The following ABCC4 variants were observed in gnomAD, a reference collection of about 807,000 sequenced individuals.
The protein encoded by ABCC4 is ATP-binding cassette sub-family C member 4.
ABCC4 carries 102 observed loss-of-function variants against 168.5 expected under a neutral mutation model. The observed-to-expected ratio is 0.61, with a 90% CI of 0.52 to 0.71. The LOEUF is 0.71. Among genes scored for constraint, ABCC4 ranks in the 30% least tolerant of loss-of-function variants. The probability of loss-of-function intolerance (pLI) is 0.00; values close to 1 mark genes in which losing one functional copy is unlikely to be tolerated. For synonymous variants in ABCC4, 617 were observed against 590.7 expected (o/e 1.04, Z -0.65); for missense variants, 1,402 against 1,605.8 (o/e 0.87, Z 2.17).
intron 8 of ABCC4, among the ~76,000 whole-genome samples, chr13:95,206,281 C>G (rs946018097): frequency 3.3e-5 from 5 of 152,178 alleles, no homozygotes; most frequent in Non-Finnish European, 7.3e-5. Context: ...CCTGCAGTTA[C>G]CACCTGTACA....
At chr13:95,162,489 CA>C (rs2037129934) in intron 18 of ABCC4, among the ~76,000 whole-genome samples, 1 of 152,126 alleles carries the variant, frequency 6.6e-6, no homozygotes, top group African/African-American at 2.4e-5. Context: ...TCTGGCAAGC[CA>C]AATGTTAAAT....
chr13:95,209,674 A>G (rs2038897591), intron 5 of ABCC4, 77 bp from the exon 6 acceptor site: 1 of 1,364,842 alleles, frequency 7.3e-7, no homozygotes, highest in African/African-American at 1.5e-5. Context: ...GAAACGATCC[A>G]CTGGAAAAGA....
intron 13 of ABCC4, among the ~76,000 whole-genome samples, chr13:95,174,663 TC>T (rs1394243821): frequency 6.6e-6 from 1 of 152,164 alleles, no homozygotes; most frequent in Non-Finnish European, 1.5e-5. Context: ...GAAAATACCT[TC>T]CTCCTTCCCC....
At chr13:95,073,070 GAGGA>G in intron 24 of ABCC4, 130 bp downstream of exon 24, 1 of 622,308 alleles carries the variant, frequency 1.6e-6, no homozygotes, top group Non-Finnish European at 2.7e-6. Flanking sequence ...TAAACAGATG[GAGGA>G]AGGATCTTAA....
intron 19 of ABCC4, among the ~76,000 whole-genome samples, chr13:95,126,020 T>C (rs995288973): frequency 6.6e-6 from 1 of 152,160 alleles, no homozygotes; most frequent in Non-Finnish European, 1.5e-5. Flanking sequence ...AATGCACATG[T>C]GTACAGTTTG....
intron 4 of ABCC4, among the ~76,000 whole-genome samples, chr13:95,226,315 C>T (rs928339318): frequency 2.0e-5 from 3 of 152,062 alleles, no homozygotes; most frequent in Non-Finnish European, 4.4e-5. Flanking sequence ...GGTTGGGTAA[C>T]TTTCACTATT....
intron 30 of ABCC4, among the ~76,000 whole-genome samples, chr13:95,030,777 T>C (rs150307030): frequency 2.7e-4 from 41 of 152,336 alleles, no homozygotes; most frequent in African/African-American, 9.6e-4. Context: ...TAATCTGCTG[T>C]GGGTTAAGCC....
chr13:95,139,768 T>C (rs1330416554), intron 19 of ABCC4, among the ~76,000 whole-genome samples: 1 of 152,166 alleles, frequency 6.6e-6, no homozygotes, highest in Non-Finnish European at 1.5e-5. Context: ...TTCATACCTG[T>C]ATATCTCCCC....
chr13:95,037,122 C>G (rs1007728091), intron 29 of ABCC4, among the ~76,000 whole-genome samples: 3 of 147,806 alleles, frequency 2.0e-5, no homozygotes, highest in Non-Finnish European at 3.0e-5. Context: ...CCCAAATAAC[C>G]CCCCAAATAT....
At chr13:95,057,306 C>T (rs756718402) in intron 26 of ABCC4, among the ~76,000 whole-genome samples, 1 of 151,970 alleles carries the variant, frequency 6.6e-6, no homozygotes, top group Non-Finnish European at 1.5e-5. Flanking sequence ...GTGGCACAAT[C>T]TCAGCTCATG....
intron 4 of ABCC4, among the ~76,000 whole-genome samples, chr13:95,216,256 G>A (rs1252888909): frequency 6.6e-6 from 1 of 152,024 alleles, no homozygotes; most frequent in Non-Finnish European, 1.5e-5. Flanking sequence ...CTAAAGTTTG[G>A]TTCCAATAAA....
chr13:95,103,581 T>A (rs1461524090), intron 20 of ABCC4, among the ~76,000 whole-genome samples: 1 of 152,206 alleles, frequency 6.6e-6, no homozygotes. Context: ...CCTGAGGGGA[T>A]CGACTATCCT....
At chr13:95,259,621 G>C (rs981693749) in intron 1 of ABCC4, among the ~76,000 whole-genome samples, 5 of 152,172 alleles carry the variant, frequency 3.3e-5, no homozygotes, top group Non-Finnish European at 5.9e-5. Context: ...ACATGGATCA[G>C]AACCACCGCA....
At chr13:95,253,905 T>A (rs182673118) in intron 1 of ABCC4, among the ~76,000 whole-genome samples, 2 of 151,872 alleles carry the variant, frequency 1.3e-5, no homozygotes, top group East Asian at 3.9e-4. Flanking sequence ...TTTTTCTCTT[T>A]TTTTTGAGAC....
intron 4 of ABCC4, among the ~76,000 whole-genome samples, chr13:95,215,675 G>C (rs920786690): frequency 6.6e-6 from 1 of 152,132 alleles, no homozygotes; most frequent in East Asian, 1.9e-4. Context: ...TTAAATTACA[G>C]ATCAACAATA....
At chr13:95,185,914 CA>C (rs2038043169) in intron 11 of ABCC4, among the ~76,000 whole-genome samples, 1 of 151,910 alleles carries the variant, frequency 6.6e-6, no homozygotes, top group African/African-American at 2.4e-5. Flanking sequence ...TAATAAATTG[CA>C]CTGTAAATTT....
At chr13:95,137,234 A>G (rs533900024) in intron 19 of ABCC4, among the ~76,000 whole-genome samples, 1 of 152,290 alleles carries the variant, frequency 6.6e-6, no homozygotes, top group African/African-American at 2.4e-5. Flanking sequence ...GGTCTTTAAA[A>G]CACTCAAGTA....
At position 95,062,691 on chromosome 13, in the gene ABCC4, A is replaced by C. The variant is rs1262908616; in HGVS notation, c.3366+13T>G. ...TATAAAAGGGGCAGGTAAGGACGCTATGACTTGCATACCTGAGGTATGATT... is the reference window on the plus strand; with the variant it reads ...TATAAAAGGGGCAGGTAAGGACGCTCTGACTTGCATACCTGAGGTATGATT... On this transcript the variant is annotated intron_variant, in intron 26 of 30. Coordinates refer to ENST00000645237, the MANE Select transcript of ABCC4 (RefSeq NM_005845.5). 1 of 1,611,876 alleles carries C rather than the reference A, an allele frequency of 6.2e-7. No homozygotes were observed. The highest frequency in any genetic ancestry group is 2.2e-5 in the East Asian group (1 of 44,842).
intron 1 of ABCC4, among the ~76,000 whole-genome samples, chr13:95,287,565 T>C (rs4773871): frequency 0.75 from 113,510 of 151,204 alleles, 42,832 homozygotes; most frequent in Non-Finnish European, 0.8. Flanking sequence ...CCAGCCTGGG[T>C]GGAAGGGCAT....
Sources: gnomAD v4.1 joint callset for allele counts (sites outside exome capture counted in the v4.1 genomes callset) on GRCh38, gnomAD v4.1.1 for gene constraint, MANE v1.5 for transcripts, NCBI Gene and HGNC (gene_info 2026-07-23, HGNC 2026-07-21) for gene names.